The following NEB variants were observed in gnomAD, a reference collection of about 807,000 sequenced individuals.
NEB encodes nebulin.
A neutral mutation model predicts 952.2 loss-of-function variants in NEB; 512 were observed. The ratio of observed to expected loss-of-function variants is 0.54; its 90% confidence interval spans 0.50 to 0.58. The LOEUF is 0.58. Among genes scored for constraint, NEB ranks in the 20% least tolerant of loss-of-function variants. NEB has a pLI of 0.00. For missense variants in NEB, 8,428 were observed against 9,231.1 expected, an observed-to-expected ratio of 0.91 and a Z score of 3.56; for synonymous variants, 2,900 against 3,149.8, an observed-to-expected ratio of 0.92 and a Z score of 2.66.
In NEB at chr2:151,499,213, G is replaced by A. The variant is rs2062588194; in HGVS notation, c.24114+85C>T. ...GACAGGTCAAATTTTTTATTGGGATGAGTTGATTAGATTTTTAAAATCTAG... is the reference window on the plus strand; with the variant it reads ...GACAGGTCAAATTTTTTATTGGGATAAGTTGATTAGATTTTTAAAATCTAG... On this transcript the variant is annotated intron_variant, in intron 169 of 181. Coordinates refer to ENST00000397345, the MANE Select transcript of NEB (RefSeq NM_001164508.2). The A allele has an allele frequency of 4.4e-6, 3 of 684,482 alleles. No homozygotes were observed. The South Asian group carries it at 6.0e-5, about 14-fold the overall frequency. 42.4% of individuals were successfully genotyped at this position (684,482 alleles called of 1,614,324 possible).
At chr2:151,519,131 A>G in intron 154 of NEB, 62 bp from the exon 155 acceptor site, 1 of 1,064,964 alleles carries the variant, frequency 9.4e-7, no homozygotes, top group Non-Finnish European at 1.4e-6. Flanking sequence ...CACTAATGGA[A>G]ATCAAAGTGA....
At position 151,692,407 on chromosome 2, in the gene NEB, A is replaced by G. The variant is rs1017423368; in HGVS notation, c.1897-45T>C. ...TTAAACCAAAAAGAAAGAAATATAT[A>G]TCTCATAAAGTAAAAGTCATTCATG... On this transcript the variant is annotated intron_variant, in intron 20 of 181. Coordinates refer to ENST00000397345, the MANE Select transcript of NEB (RefSeq NM_001164508.2). 4 of 1,404,160 alleles carry G rather than the reference A, an allele frequency of 2.8e-6. No individual in the cohort carries two copies. The African/African-American group carries it at 4.3e-5, about 15-fold the overall frequency. 87.0% of individuals were successfully genotyped at this position (1,404,160 alleles called of 1,614,324 possible).
chr2:151,727,140 C>A (rs1483062930), intron 5 of NEB, among the ~76,000 whole-genome samples: 1 of 151,882 alleles, frequency 6.6e-6, no homozygotes, highest in Non-Finnish European at 1.5e-5. Flanking sequence ...TTTTAAAATT[C>A]CCAGGGGGTT....
chr2:151,574,210 G>A (rs946694968), intron 107 of NEB, among the ~76,000 whole-genome samples: 1 of 152,196 alleles, frequency 6.6e-6, no homozygotes, highest in Non-Finnish European at 1.5e-5. Flanking sequence ...TCCTGACCTC[G>A]TGATTCGCCT....
chr2:151,609,968 C>G lies in NEB; in HGVS notation c.12171G>C (p.Lys4057Asn). 1 of 1,613,992 alleles carries G rather than the reference C, an allele frequency of 6.2e-7. No homozygotes were observed. The highest frequency in any genetic ancestry group is 8.5e-7 in the Non-Finnish European group (1 of 1,179,872). The change falls in exon 81 of 182, where the codon AAG becomes AAC. Residue 4057 changes from lysine to asparagine, a missense_variant. By Grantham distance (94) the Lys-to-Asn change is moderately conservative. Coordinates refer to ENST00000397345, the MANE Select transcript of NEB (RefSeq NM_001164508.2). ...YKKEFQKWKT[K>N]FSSPVDMLSI... ...TTAACATGTCCACTGGGCTAGAGAA[C>G]TTGGTTTTCCACTTTTGGAATTCCT...
rs1200899791 is a variant in NEB at position 151,575,709 on chromosome 2, G to C, written c.16999C>G (p.Leu5667Val). 1 of 1,598,530 alleles carries C rather than the reference G, an allele frequency of 6.3e-7. No homozygotes were observed. Residue 5667 changes from leucine to valine, a missense_variant, in exon 107 of 182, where the codon CTT becomes GTT. Around this residue, in one of 11 missense-constraint regions of NEB, gnomAD observed 3,374 missense variants for 3,651.5 expected, o/e 0.92. Coordinates refer to ENST00000397345, the MANE Select transcript of NEB (RefSeq NM_001164508.2). ...PEINLARANA[L>V]NVSNKLYREG... ...GTAGTACTTACATTGCTCACATTAAGAGCATTTGCTCTAGCGAGATTAATT... is the reference window on the plus strand; with the variant it reads ...GTAGTACTTACATTGCTCACATTAACAGCATTTGCTCTAGCGAGATTAATT...
chr2:151,679,354 GGAA>G (rs1319523831), intron 32 of NEB, among the ~76,000 whole-genome samples: 1 of 152,038 alleles, frequency 6.6e-6, no homozygotes, highest in African/African-American at 2.4e-5. Context: ...AGAGGAAAGG[GGAA>G]GAAGGAAATC....
intron 67 of NEB, 96 bp downstream of exon 67, chr2:151,630,619 G>T (rs2098647412): frequency 2.2e-6 from 2 of 917,494 alleles, no homozygotes; most frequent in Non-Finnish European, 1.7e-6. Context: ...AAATGAAAGA[G>T]CCACATGCAC....
At chr2:151,546,261 C>T in intron 134 of NEB, 84 bp downstream of exon 134, 1 of 1,064,032 alleles carries the variant, frequency 9.4e-7, no homozygotes, top group Non-Finnish European at 1.4e-6. Flanking sequence ...AGGCTAAGAT[C>T]CCTTCTGCCT....
chr2:151,675,415 AGTGC>A, intron 34 of NEB, 24 bp from the exon 35 acceptor site: 1 of 1,434,888 alleles, frequency 7.0e-7, no homozygotes, highest in South Asian at 1.2e-5. Context: ...CATTTCACAT[AGTGC>A]AAAAAGGAAA....
In NEB at chr2:151,614,578, T is replaced by C. The variant is rs764366598; in HGVS notation, c.11299A>G (p.Lys3767Glu). The C allele has an allele frequency of 2.5e-6, 4 of 1,611,930 alleles. No homozygotes were observed. In the African/African-American group the frequency reaches 5.3e-5, roughly 22 times the overall value. ...CCAAGCTGTTTGCGGTAGCCTTCCT[T>C]GTACTTGTACTAAAAAAATAGAGAT... ...SRDIASDYKY[K>E]EGYRKQLGHH... Residue 3767 changes from lysine (K) to glutamate (E), a missense_variant, in exon 77 of 182, where the codon AAG becomes GAG. Coordinates refer to ENST00000397345, the MANE Select transcript of NEB (RefSeq NM_001164508.2).
chr2:151,696,515 T>C, intron 17 of NEB, 122 bp downstream of exon 17: 1 of 729,982 alleles, frequency 1.4e-6, no homozygotes, highest in African/African-American at 1.8e-5. Flanking sequence ...TGTATACTGT[T>C]TAAACTTGCT....
chr2:151,549,977 G>T (rs2095170564), intron 129 of NEB, among the ~76,000 whole-genome samples: 4 of 152,152 alleles, frequency 2.6e-5, no homozygotes, highest in Non-Finnish European at 4.4e-5. Context: ...TTTATTGAAA[G>T]TAGTTCCTGG....
At chr2:151,648,026 T>C (rs190073570) in intron 54 of NEB, among the ~76,000 whole-genome samples, 5 of 152,168 alleles carry the variant, frequency 3.3e-5, no homozygotes, top group Admixed American at 3.3e-4. Flanking sequence ...CATATAGATA[T>C]ATAGATATAG....
At chr2:151,575,851 A>T (rs1009178871) in intron 106 of NEB, 52 bp from the exon 107 acceptor site, 1 of 1,223,428 alleles carries the variant, frequency 8.2e-7, no homozygotes, top group Non-Finnish European at 1.2e-6. Flanking sequence ...TCATGTTGCT[A>T]GTCCCACTAT....
At position 151,656,218 on chromosome 2, in the gene NEB, A is replaced by G. The variant is rs1329627487; in HGVS notation, c.6430T>C (p.Tyr2144His). ...NTNYKHLIHKYILLPDAMNIE... is the reference protein window; with the variant it reads ...NTNYKHLIHKHILLPDAMNIE... Reference sequence around the variant, plus strand: ...TTCATTGCATCTGGAAGGAGGATGTACTTGTGAATCAGGTGCTTGTAGTTA... The same window carrying G: ...TTCATTGCATCTGGAAGGAGGATGTGCTTGTGAATCAGGTGCTTGTAGTTA... The change falls in exon 49 of 182, where the codon TAC (tyrosine) becomes CAC (histidine). Residue 2144 changes from tyrosine (Y) to histidine (H), a missense_variant. Around this residue, in one of 11 missense-constraint regions of NEB, gnomAD observed 2,851 missense variants for 2,791.5 expected, o/e 1.02. Transcript: ENST00000397345. 2 of 1,612,738 alleles carry G rather than the reference A, an allele frequency of 1.2e-6. No homozygotes were observed. The highest frequency in any genetic ancestry group is 8.5e-7 in the Non-Finnish European group (1 of 1,179,140).
intron 135 of NEB, 91 bp from the exon 136 acceptor site, chr2:151,541,642 G>A (rs569734890): frequency 1.0e-6 from 1 of 974,092 alleles, no homozygotes; most frequent in African/African-American, 1.6e-5. Context: ...CATAGAAAAG[G>A]CAGGAGCCCT....
chr2:151,567,433 C>A lies in NEB; in HGVS notation c.17891G>T (p.Gly5964Val). The A allele has an allele frequency of 6.2e-7, 1 of 1,613,426 alleles. No homozygotes were observed. The highest frequency in any genetic ancestry group is 8.5e-7 in the Non-Finnish European group (1 of 1,179,656). The change falls in exon 114 of 182, where the codon GGT (glycine) becomes GTT (valine). Residue 5964 changes from glycine to valine, a missense_variant. Coordinates refer to ENST00000397345, the MANE Select transcript of NEB (RefSeq NM_001164508.2). Reference protein sequence around the residue: ...EHVKQKGHYVGVPTMRDDPKL... With the variant: ...EHVKQKGHYVVVPTMRDDPKL... Reference sequence around the variant, plus strand: ...AGGATCATCTCTCATCGTCGGGACACCAACATAATGACCTTTTTGCTTCAC... The same window carrying A: ...AGGATCATCTCTCATCGTCGGGACAACAACATAATGACCTTTTTGCTTCAC...
At position 151,672,461 on chromosome 2, in the gene NEB, C is replaced by T. The variant is rs770127346; in HGVS notation, c.4207G>A (p.Val1403Ile). 1 of 1,613,980 alleles carries T rather than the reference C, an allele frequency of 6.2e-7. No individual in the cohort carries two copies. Among genetic ancestry groups the T allele is most frequent in the Non-Finnish European group, 8.5e-7 (1 of 1,179,874 alleles). The change falls in exon 37 of 182, where the codon GTC becomes ATC. Residue 1403 changes from valine (V) to isoleucine (I), a missense_variant. This residue lies in a region of NEB where 2,851 missense variants were observed against 2,791.5 expected (regional missense o/e 1.02). Coordinates refer to ENST00000397345, the MANE Select transcript of NEB (RefSeq NM_001164508.2). ...AKMAQDVATN[V>I]NYKQPLHHYT... Reference sequence around the variant, plus strand: ...TGATGCAATGGCTGTTTGTAGTTGACATTGGTAGCGACATCCTGGGCCATC... The same window carrying T: ...TGATGCAATGGCTGTTTGTAGTTGATATTGGTAGCGACATCCTGGGCCATC...
Sources: allele counts gnomAD v4.1 joint callset (sites outside exome capture counted in the v4.1 genomes callset), GRCh38; gene constraint gnomAD v4.1.1; regional missense constraint gnomAD v4.1.1; transcripts MANE v1.5; gene names NCBI Gene and HGNC (gene_info 2026-07-23, HGNC 2026-07-21).